The following SPTB variants were observed in gnomAD, a reference collection of about 807,000 sequenced individuals.
SPTB encodes spectrin beta, erythrocytic.
SPTB carries 45 observed loss-of-function variants against 256.2 expected under a neutral mutation model. The observed-to-expected ratio is 0.18, with a 90% CI of 0.14 to 0.23. SPTB has a LOEUF of 0.23. SPTB is among the 10% of genes least tolerant of loss of function. SPTB has a pLI of 1.00. For missense variants in SPTB, 2,715 were observed against 3,040.4 expected (o/e 0.89, Z 2.52); for synonymous variants, 1,231 against 1,243.1 (o/e 0.99, Z 0.21).
rs965778041 is a variant in SPTB at position 64,764,818 on chromosome 14, G to A, written c.6345+1908C>T. On this transcript the variant is annotated intron_variant, in intron 32 of 35. Coordinates refer to ENST00000644917, the MANE Select transcript of SPTB (RefSeq NM_001355436.2). The surrounding 1 kb of genome is among the most constrained non-coding windows in gnomAD (Gnocchi z 4.2). Reference sequence around the variant, plus strand: ...CCCAGAGTTCGCTCTCCTTCCGGCAGGGGCTGTTGCTGGGAAAAAGGGGCT... The same window carrying A: ...CCCAGAGTTCGCTCTCCTTCCGGCAAGGGCTGTTGCTGGGAAAAAGGGGCT... Among the ~76,000 whole-genome samples, 5 of 152,302 alleles carry A rather than the reference G, an allele frequency of 3.3e-5. No individual in the cohort carries two copies. Among genetic ancestry groups the A allele is most frequent in the African/African-American group, 1.2e-4 (5 of 41,582 alleles).
Position 64,750,127 on chromosome 14 carries a change from G to C in SPTB, c.6630C>G (p.Leu2210=). 1 of 1,614,058 alleles carries C rather than the reference G, an allele frequency of 6.2e-7. No individual in the cohort carries two copies. The highest frequency in any genetic ancestry group is 1.3e-5 in the African/African-American group (1 of 75,030). The change falls in exon 34 of 36, where the codon CTC becomes CTG. Residue 2210 remains leucine, a synonymous_variant. Transcript: ENST00000644917. ...NRSWNNLYCV[L]RNSELTFYKD... ...TGTAGAAGGTTAGCTCACTGTTCCTGAGCACACAGTACAGGTTGTTCCAGG... is the reference window on the plus strand; with the variant it reads ...TGTAGAAGGTTAGCTCACTGTTCCTCAGCACACAGTACAGGTTGTTCCAGG...
intron 1 of SPTB, among the ~76,000 whole-genome samples, chr14:64,855,024 C>T (rs1017030025): frequency 6.6e-5 from 10 of 152,146 alleles, no homozygotes; most frequent in Non-Finnish European, 1.2e-4. Context: ...TTTACGGCAA[C>T]TCGCCGGAAA....
chr14:64,797,484 A>AAG (rs2082794808), intron 10 of SPTB, among the ~76,000 whole-genome samples: 5 of 145,344 alleles, frequency 3.4e-5, no homozygotes, highest in African/African-American at 1.3e-4. Flanking sequence ...AAAAAAAAAA[A>AAG]AAAAAAAAAA....
intron 22 of SPTB, among the ~76,000 whole-genome samples, chr14:64,776,937 A>G (rs1399448700): frequency 6.6e-6 from 1 of 152,258 alleles, no homozygotes; most frequent in Non-Finnish European, 1.5e-5. Flanking sequence ...TTTAAAGCTT[A>G]CAACCTGGTA....
At chr14:64,767,501 G>A in intron 30 of SPTB, 149 bp from the exon 31 acceptor site, 1 of 1,389,108 alleles carries the variant, frequency 7.2e-7, no homozygotes, top group South Asian at 1.2e-5. Context: ...TGCATTCGGA[G>A]GTCAGTACTT....
Position 64,773,205 on chromosome 14 carries a change from G to A in SPTB, c.5178+15C>T, listed in dbSNP as rs765403767. On this transcript the variant is annotated intron_variant, in intron 25 of 35. Transcript: ENST00000644917. ...TTAGAGAAAGACAAAAACAGCAGGA[G>A]TTGTGGCTACTCACAGTCACGTGGT... 1 of 1,614,090 alleles carries A rather than the reference G, an allele frequency of 6.2e-7. No homozygotes were observed. The highest frequency in any genetic ancestry group is 1.7e-5 in the Admixed American group (1 of 60,024).
At chr14:64,821,290 C>T (rs1000463945) in intron 2 of SPTB, among the ~76,000 whole-genome samples, 3 of 152,200 alleles carry the variant, frequency 2.0e-5, no homozygotes, top group African/African-American at 7.2e-5. Context: ...TCCTGAGAGA[C>T]AGACACTATA....
chr14:64,768,121 A>T (rs2082219653), intron 29 of SPTB: 1 of 529,200 alleles, frequency 1.9e-6, no homozygotes, highest in Admixed American at 3.1e-5. Context: ...GGCTCATGGC[A>T]GCCTCAGCCT....
intron 1 of SPTB, among the ~76,000 whole-genome samples, chr14:64,838,169 T>C (rs1286540956): frequency 6.6e-6 from 1 of 152,216 alleles, no homozygotes; most frequent in Non-Finnish European, 1.5e-5. Flanking sequence ...GAAAGGATAG[T>C]CTTTTTAACA....
At chr14:64,766,507 C>T (rs111488553) in intron 32 of SPTB, 16 of 1,462,614 alleles carry the variant, frequency 1.1e-5, no homozygotes, top group African/African-American at 4.3e-5. Context: ...GTTTCCTCTG[C>T]GCTGTGGGGA....
chr14:64,802,686 G>A lies in SPTB; in HGVS notation c.475-369C>T, dbSNP rs1453116797. Among the ~76,000 whole-genome samples the A allele has an allele frequency of 2.0e-5, 3 of 152,162 alleles. No individual in the cohort carries two copies. The highest frequency in any genetic ancestry group is 2.9e-5 in the Non-Finnish European group (2 of 68,040). ...GTGCTAGGCCTGAGGACACACAGAG[G>A]TAAAACAAATTTCTTGCCCTCAAGG... is the stretch of plus-strand genomic sequence containing the variant. On this transcript the variant is annotated intron_variant, in intron 4 of 35. Transcript: ENST00000644917. This position sits in a 1 kb window ranked among gnomAD's most constrained non-coding sequence, Gnocchi z 5.1.
Position 64,764,817 on chromosome 14 carries a change from A to T in SPTB, c.6345+1909T>A, listed in dbSNP as rs1462365906. Among the ~76,000 whole-genome samples the T allele has an allele frequency of 2.6e-5, 4 of 152,122 alleles. No individual in the cohort carries two copies. Among genetic ancestry groups the T allele is most frequent in the African/African-American group, 9.7e-5 (4 of 41,438 alleles). On this transcript the variant is annotated intron_variant, in intron 32 of 35. Transcript: ENST00000644917. This position sits in a 1 kb window ranked among gnomAD's most constrained non-coding sequence, Gnocchi z 4.2. ...CCCCAGAGTTCGCTCTCCTTCCGGC[A>T]GGGGCTGTTGCTGGGAAAAAGGGGC...
chr14:64,867,582 G>A (rs181480927), intron 1 of SPTB, among the ~76,000 whole-genome samples: 183 of 152,204 alleles, frequency 1.2e-3, no homozygotes, highest in African/African-American at 4.0e-3. Flanking sequence ...TGCTGGGTGC[G>A]GAGGCTTATG....
intron 1 of SPTB, among the ~76,000 whole-genome samples, chr14:64,859,510 T>C (rs767111488): frequency 1.7e-4 from 26 of 152,180 alleles, no homozygotes; most frequent in Non-Finnish European, 3.7e-4. Context: ...TTTGGGAGAC[T>C]GAGGCAGGCA....
intron 24 of SPTB, 133 bp downstream of exon 24, chr14:64,774,264 C>T: frequency 1.6e-6 from 2 of 1,254,430 alleles, no homozygotes; most frequent in African/African-American, 1.5e-5. Context: ...ACCAGTCCCG[C>T]AGCAATTTTC....
intron 32 of SPTB, chr14:64,754,152 G>A: frequency 2.5e-6 from 1 of 398,318 alleles, no homozygotes. Context: ...CAATGCTGCT[G>A]GCAAAGCTCT....
chr14:64,867,550 T>C lies in SPTB; in HGVS notation c.-52+12242A>G, dbSNP rs185085377. Among the ~76,000 whole-genome samples the C allele has an allele frequency of 1.7e-3, 263 of 152,208 alleles. 1 individual carries two copies. Among genetic ancestry groups the C allele is most frequent in the Non-Finnish European group, 3.1e-3 (209 of 67,998 alleles). ...TAGCTGATGGGGGTCTTAAGGCATA[T>C]ATGTGTAAGAGTTCATGGCTGTGCT... On this transcript the variant is annotated intron_variant, in intron 1 of 35. Transcript: ENST00000644917.
At position 64,800,761 on chromosome 14, in the gene SPTB, C is replaced by T. The variant is rs143599352; in HGVS notation, c.871G>A (p.Gly291Ser). 869 of 1,613,966 alleles carry T rather than the reference C, an allele frequency of 5.4e-4. No individual in the cohort carries two copies. The highest frequency in any genetic ancestry group is 6.9e-4 in the Non-Finnish European group (809 of 1,179,850). ...GGTTCCAAAACAGCTTGTACCTTGCCGACACGCTTGCCCTCCACTGCCAGC... is the reference window on the plus strand; with the variant it reads ...GGTTCCAAAACAGCTTGTACCTTGCTGACACGCTTGCCCTCCACTGCCAGC... ...KVLAVEGKRV[G>S]KVIDHAIETE... Residue 291 changes from glycine to serine, a missense_variant, in exon 8 of 36, where the codon GGC (glycine) becomes AGC (serine). Physicochemically the swap from Gly to Ser is moderately conservative, Grantham distance 56. Around this residue, in one of 4 missense-constraint regions of SPTB, gnomAD observed 416 missense variants for 571.1 expected, o/e 0.73. Coordinates refer to ENST00000644917, the MANE Select transcript of SPTB (RefSeq NM_001355436.2).
At position 64,779,553 on chromosome 14, in the gene SPTB, A is replaced by C. The variant is rs2082426978; in HGVS notation, c.4473+172T>G. On this transcript the variant is annotated intron_variant, in intron 21 of 35. Coordinates refer to ENST00000644917, the MANE Select transcript of SPTB (RefSeq NM_001355436.2). This position sits in a 1 kb window ranked among gnomAD's most constrained non-coding sequence, Gnocchi z 4.2. ...CAAGTGAACAGTGCATTCCCAACAA[A>C]AGCACTGGCTTGAGCTTTCCATTTA... is the stretch of plus-strand genomic sequence containing the variant. Among the ~76,000 whole-genome samples the C allele has an allele frequency of 6.6e-6, 1 of 152,150 alleles. No individual in the cohort carries two copies. Among genetic ancestry groups the C allele is most frequent in the African/African-American group, 2.4e-5 (1 of 41,438 alleles).
Sources: gnomAD v4.1 joint callset for allele counts (sites outside exome capture counted in the v4.1 genomes callset) on GRCh38, gnomAD v4.1.1 for gene constraint, gnomAD v4.1.1 regional missense constraint, Gnocchi (gnomAD v3.1) non-coding constraint, MANE v1.5 for transcripts, NCBI Gene and HGNC (gene_info 2026-07-23, HGNC 2026-07-21) for gene names.